TCAIM: variants seen among roughly 807,000 people sequenced by gnomAD.
TCAIM encodes the protein T-cell activation inhibitor, mitochondrial.
A neutral mutation model predicts 58.6 loss-of-function variants in TCAIM; 36 were observed. That is an observed-to-expected ratio of 0.61 (90% confidence interval 0.47 to 0.81). TCAIM has a LOEUF of 0.81. Among genes scored for constraint, TCAIM ranks in the 30% least tolerant of loss-of-function variants. TCAIM has a pLI of 0.00. For missense variants in TCAIM, 466 were observed against 579.6 expected, an observed-to-expected ratio of 0.80 and a Z score of 2.01; for synonymous variants, 172 against 193.6, an observed-to-expected ratio of 0.89 and a Z score of 0.93.
At chr3:44,387,351 G>C (rs1031594680) in intron 5 of TCAIM, among the ~76,000 whole-genome samples, 5 of 152,220 alleles carry the variant, frequency 3.3e-5, no homozygotes, top group African/African-American at 1.2e-4. Context: ...ACAAGAACTT[G>C]TGAACACCTA....
chr3:44,404,681 TTTCC>T (rs1394520813), intron 10 of TCAIM, among the ~76,000 whole-genome samples: 1 of 152,152 alleles, frequency 6.6e-6, no homozygotes, highest in African/African-American at 2.4e-5. Context: ...GACTAACTTC[TTTCC>T]TTCAGTGAAG....
Position 44,361,350 on chromosome 3 carries a change from A to G in TCAIM, c.166-15A>G. On this transcript the variant is annotated splice_polypyrimidine_tract_variant and intron_variant, in intron 3 of 10. Coordinates refer to ENST00000342649, the MANE Select transcript of TCAIM (RefSeq NM_173826.4). ...TTCTATTTTGTATGTAAATGCCCTT[A>G]ATGTTTTTTTCCAGGAAATCAATGA... 6.3e-7 allele frequency: 1 copy of G among 1,588,420 alleles called. No homozygotes were observed.
chr3:44,382,019 CAG>C (rs1338098556), intron 5 of TCAIM, among the ~76,000 whole-genome samples: 1 of 152,148 alleles, frequency 6.6e-6, no homozygotes, highest in Non-Finnish European at 1.5e-5. Context: ...GATCAAGGAT[CAG>C]AAGATAATAT....
Position 44,378,754 on chromosome 3 carries a change from T to C in TCAIM, c.572+11046T>C, listed in dbSNP as rs150158858. ...TGAACCTGGGATGCAGAGGTTGCAG[T>C]GAGCCGAGATCACTCCACGGCAACA... On this transcript the variant is annotated intron_variant, in intron 5 of 10. Transcript: ENST00000342649. Among the ~76,000 whole-genome samples, 1,099 of 148,396 alleles carry C rather than the reference T, an allele frequency of 7.4e-3. 6 individuals carry two copies. The highest frequency in any genetic ancestry group is 0.014 in the Admixed American group (204 of 14,714).
chr3:44,400,377 A>C lies in TCAIM; in HGVS notation c.908A>C (p.Tyr303Ser). The change falls in exon 9 of 11, where the codon TAT (tyrosine) becomes TCT (serine). Residue 303 changes from tyrosine to serine, a missense_variant. Physicochemically the swap from Tyr to Ser is moderately radical, Grantham distance 144. Coordinates refer to ENST00000342649, the MANE Select transcript of TCAIM (RefSeq NM_173826.4). The stretch of plus-strand genomic sequence containing the variant: ...TAGCTTTTTGAAAGATTGCCAAGTT[A>C]TTTTGACCTTCAGAGGAGGCTGATG... Reference protein sequence around the residue: ...WTKLFERLPSYFDLQRRLMIL... With the variant: ...WTKLFERLPSSFDLQRRLMIL... 1 of 1,613,506 alleles carries C rather than the reference A, an allele frequency of 6.2e-7. No individual in the cohort carries two copies. Among genetic ancestry groups the C allele is most frequent in the Non-Finnish European group, 8.5e-7 (1 of 1,179,790 alleles).
chr3:44,338,885 G>T (rs1009734095), intron 1 of TCAIM, 51 bp downstream of exon 1: 1 of 152,292 alleles, frequency 6.6e-6, no homozygotes, highest in Non-Finnish European at 1.5e-5. Flanking sequence ...GCTCCTCTAG[G>T]GGGGAAGCGG....
rs532916758 is a variant in TCAIM, at chr3:44,348,114, C to G, written c.-44-6625C>G. ...AGGTTTAGAAGCCTGGCCGTCAATA[C>G]CCACAACAGTTATGGAGGCAAGGGA... On this transcript the variant is annotated intron_variant, in intron 1 of 10. Transcript: ENST00000342649. Among the ~76,000 whole-genome samples, 6 of 148,918 alleles carry G rather than the reference C, an allele frequency of 4.0e-5. No individual in the cohort carries two copies. The South Asian group carries it at 1.3e-3, about 31-fold the overall frequency.
intron 5 of TCAIM, among the ~76,000 whole-genome samples, chr3:44,369,514 A>G (rs1441904322): frequency 1.3e-5 from 2 of 152,230 alleles, no homozygotes; most frequent in Non-Finnish European, 2.9e-5. Context: ...CATCATGAAA[A>G]GAGTGCCCCA....
intron 4 of TCAIM, 54 bp downstream of exon 4, chr3:44,361,572 A>ATT: frequency 7.1e-7 from 1 of 1,416,094 alleles, no homozygotes; most frequent in Non-Finnish European, 9.3e-7. Context: ...AAATGTGTTC[A>ATT]TTAATTTTGA....
At chr3:44,354,477 A>G (rs1174078344) in intron 1 of TCAIM, among the ~76,000 whole-genome samples, 1 of 152,174 alleles carries the variant, frequency 6.6e-6, no homozygotes, top group African/African-American at 2.4e-5. Flanking sequence ...TTGGAATTTC[A>G]TTGAATCTAT....
chr3:44,403,072 C>T (rs1358344711), intron 10 of TCAIM, among the ~76,000 whole-genome samples: 1 of 152,104 alleles, frequency 6.6e-6, no homozygotes, highest in Non-Finnish European at 1.5e-5. Flanking sequence ...AGTTTGAGAC[C>T]AGCCTGGCCA....
rs56361211 is a variant in TCAIM at position 44,363,920 on chromosome 3, C to CTTTTT, written c.319+2425_319+2429dup. Among the ~76,000 whole-genome samples the CTTTTT allele has an allele frequency of 4.0e-3, 273 of 67,414 alleles. 19 individuals carry two copies. Among genetic ancestry groups the CTTTTT allele is most frequent in the East Asian group, 5.2e-3 (7 of 1,334 alleles). 44.2% of individuals were successfully genotyped at this position (67,414 alleles called of 152,430 possible). On this transcript the variant is annotated intron_variant, in intron 4 of 10. Transcript: ENST00000342649. ...CAACTGGACAACACAGCAAGTCTGT[C>CTTTTT]TTTTTTTTTTTTTTTTTTTTTTTTT... is the stretch of plus-strand genomic sequence containing the variant.
intron 1 of TCAIM, among the ~76,000 whole-genome samples, chr3:44,344,040 T>TG (rs1253988608): frequency 1.0e-4 from 15 of 150,658 alleles, no homozygotes; most frequent in Admixed American, 7.3e-4. Context: ...TTTTTTTTTT[T>TG]TGAGAGAGTC....
intron 5 of TCAIM, among the ~76,000 whole-genome samples, chr3:44,383,232 C>T (rs775151630): frequency 7.2e-5 from 11 of 152,134 alleles, no homozygotes; most frequent in Admixed American, 1.3e-4. Context: ...AGCAGTGTCT[C>T]AAATAGATAT....
At chr3:44,374,544 C>T (rs1701535320) in intron 5 of TCAIM, among the ~76,000 whole-genome samples, 2 of 151,838 alleles carry the variant, frequency 1.3e-5, no homozygotes. Flanking sequence ...TTGCTTGAGG[C>T]CAGGAGTTTA....
At chr3:44,367,892 T>C in intron 5 of TCAIM, 184 bp downstream of exon 5, 1 of 528,176 alleles carries the variant, frequency 1.9e-6, no homozygotes, top group Non-Finnish European at 3.1e-6. Flanking sequence ...TTATGAAAAA[T>C]ATATTTCATG....
intron 5 of TCAIM, among the ~76,000 whole-genome samples, chr3:44,386,209 C>CAAAAAAAAAA (rs10576012): frequency 3.6e-5 from 2 of 54,964 alleles, no homozygotes; most frequent in Non-Finnish European, 6.5e-5. Context: ...CCAGAAGCTC[C>CAAAAAAAAAA]AAAAAAAAAA....
At chr3:44,344,216 T>C (rs1214747630) in intron 1 of TCAIM, among the ~76,000 whole-genome samples, 7 of 152,130 alleles carry the variant, frequency 4.6e-5, no homozygotes. Flanking sequence ...TTTGCCATGT[T>C]GGCCAGGCTG....
intron 5 of TCAIM, among the ~76,000 whole-genome samples, chr3:44,385,407 A>G (rs1386758696): frequency 6.6e-6 from 1 of 152,188 alleles, no homozygotes; most frequent in Non-Finnish European, 1.5e-5. Flanking sequence ...AAAGAAAAAT[A>G]CAGGGACTGC....
Sources: gnomAD v4.1 joint callset for allele counts (sites outside exome capture counted in the v4.1 genomes callset) on GRCh38, gnomAD v4.1.1 for gene constraint, MANE v1.5 for transcripts, NCBI Gene and HGNC (gene_info 2026-07-23, HGNC 2026-07-21) for gene names.